Variants in USP50 observed in about 807,000 individuals in gnomAD.
USP50 encodes the protein ubiquitin carboxyl-terminal hydrolase 50.
Under a neutral mutation model 39.2 loss-of-function variants are expected in USP50, and 37 were observed. The ratio of observed to expected loss-of-function variants is 0.94; its 90% CI spans 0.73 to 1.24. The LOEUF is 1.24. Among genes scored for constraint, USP50 ranks in the 50% most tolerant of loss-of-function variants. The pLI is 0.00. For synonymous variants in USP50, 139 were observed against 144.5 expected (o/e 0.96, Z 0.27); for missense variants, 374 against 398.2 (o/e 0.94, Z 0.52).
chr15:50,494,153 A>AT, intron 1 of USP50: 1 of 1,613,174 alleles, frequency 6.2e-7, no homozygotes. Context: ...CAGTATAGAT[A>AT]TATCAGTCCA....
chr15:50,521,424 T>C (rs905330017), intron 6 of USP50, among the ~76,000 whole-genome samples: 49 of 152,218 alleles, frequency 3.2e-4, no homozygotes, highest in African/African-American at 1.2e-3. Context: ...TATTATGTAT[T>C]AATTTTAAAA....
At chr15:50,521,945 T>C (rs919276491) in intron 6 of USP50, among the ~76,000 whole-genome samples, 9 of 151,844 alleles carry the variant, frequency 5.9e-5, no homozygotes, top group East Asian at 1.9e-4. Context: ...GCCTGGGCAA[T>C]AGAACGAGAC....
intron 6 of USP50, chr15:50,511,741 A>T (rs775703158): frequency 6.6e-5 from 10 of 152,304 alleles, no homozygotes; most frequent in Non-Finnish European, 1.3e-4. Flanking sequence ...TCACGCCTGT[A>T]ATCCCAGCAC....
At chr15:50,543,195 A>G (rs940650690) in intron 3 of USP50, among the ~76,000 whole-genome samples, 1 of 152,218 alleles carries the variant, frequency 6.6e-6, no homozygotes, top group African/African-American at 2.4e-5. Flanking sequence ...TTTAAGCTAT[A>G]AAGTTCTATA....
chr15:50,508,834 TA>T (rs35117732), intron 6 of USP50: 44,221 of 144,056 alleles, frequency 0.31, 6,665 homozygotes, highest in East Asian at 0.5. Context: ...CCCGTCTCTA[TA>T]AAAAAAAAAA....
chr15:50,494,334 C>T (rs977608134), intron 1 of USP50: 4 of 1,468,090 alleles, frequency 2.7e-6, no homozygotes, highest in Non-Finnish European at 3.7e-6. Flanking sequence ...TGCTCAGTAG[C>T]ACTGTATTTT....
intron 5 of USP50, 86 bp downstream of exon 5, chr15:50,538,623 C>A: frequency 7.3e-7 from 1 of 1,364,084 alleles, no homozygotes; most frequent in Non-Finnish European, 9.8e-7. Context: ...ATTGTATACT[C>A]TAAATGGGTG....
rs769826253 is a variant in USP50, at chr15:50,500,794, C to G, written c.980G>C (p.Cys327Ser). The part of the protein sequence containing the change: ...DLDGGHYTAF[C>S]KNSVTQA ...TCAGGCCTGGGTGACTGAATTCTTG[C>G]AGAAAGCAGTGTAGTGGCCACCATC... Residue 327 changes from cysteine to serine, a missense_variant, in exon 7 of 7, where the codon TGC becomes TCC. Physicochemically the swap from Cys to Ser is moderately radical, Grantham distance 112. Coordinates refer to ENST00000532404, the MANE Select transcript of USP50 (RefSeq NM_203494.5). 2 of 1,590,620 alleles carry G rather than the reference C, an allele frequency of 1.3e-6. No individual in the cohort carries two copies. The highest frequency in any genetic ancestry group is 1.7e-6 in the Non-Finnish European group (2 of 1,168,140).
At chr15:50,511,691 C>A (rs1350414028) in intron 6 of USP50, 1 of 152,230 alleles carries the variant, frequency 6.6e-6, no homozygotes, top group African/African-American at 2.4e-5. Flanking sequence ...TTCTATGATT[C>A]TGTTTATTAA....
At chr15:50,525,608 A>ATATATGTATATATG (rs1566907625) in intron 6 of USP50, among the ~76,000 whole-genome samples, 4 of 129,578 alleles carry the variant, frequency 3.1e-5, no homozygotes, top group African/African-American at 6.3e-5. Context: ...ATGTATATGT[A>ATATATGTATATATG]TATATGTATA....
chr15:50,543,641 A>G lies in USP50; in HGVS notation c.401T>C (p.Phe134Ser), dbSNP rs1371052900. The change falls in exon 3 of 7, where the codon TTC (phenylalanine) becomes TCC (serine). Residue 134 changes from phenylalanine (F) to serine (S), a missense_variant. Phe to Ser is a radical substitution (Grantham distance 155). Transcript: ENST00000532404. ...AAGTTCATTTAGGACACAAATCAAG[A>G]ATTCCTGAGCATCTTGTTGCATCTT... The part of the protein sequence containing the change: ...TKKMQQDAQE[F>S]LICVLNELHE... The G allele has an allele frequency of 6.2e-7, 1 of 1,613,696 alleles. No homozygotes were observed. The highest frequency in any genetic ancestry group is 8.5e-7 in the Non-Finnish European group (1 of 1,179,818).
downstream of USP50, chr15:50,493,095 A>G (rs1595985846): frequency 1.4e-6 from 1 of 706,430 alleles, no homozygotes; most frequent in Non-Finnish European, 2.5e-6. Context: ...AGGTGCCGGC[A>G]TCTGGTGCGC....
intron 1 of USP50, 79 bp downstream of exon 1, chr15:50,546,392 AGT>A: frequency 4.8e-6 from 7 of 1,451,096 alleles, no homozygotes; most frequent in Non-Finnish European, 5.8e-6. Flanking sequence ...TCCTGAATGC[AGT>A]GTGTGTCCCC....
chr15:50,542,574 C>T (rs1409588269), intron 3 of USP50, among the ~76,000 whole-genome samples: 4 of 150,090 alleles, frequency 2.7e-5, no homozygotes, highest in African/African-American at 7.4e-5. Context: ...CTGCAACCTC[C>T]GCCTCCTGAG....
downstream of USP50, among the ~76,000 whole-genome samples, chr15:50,496,438 G>A (rs545307023): frequency 2.1e-5 from 3 of 142,088 alleles, no homozygotes; most frequent in East Asian, 2.1e-4. Flanking sequence ...CTGAGATCTC[G>A]CCACTGCACT....
Position 50,525,556 on chromosome 15 carries a change from GTA to G in USP50, c.936+4239_936+4240del, listed in dbSNP as rs1566907537. Among the ~76,000 whole-genome samples the G allele has an allele frequency of 4.1e-3, 368 of 89,264 alleles. 2 individuals carry two copies. Among genetic ancestry groups the G allele is most frequent in the African/African-American group, 0.016 (360 of 22,834 alleles). The allele number at this position is 89,264 out of a possible 152,430, so 58.6% of individuals were successfully genotyped here. ...TGTATATGTATATATGTATATATGTGTATATATGTATATATGTATATGTATAT... is the reference window on the plus strand; with the variant it reads ...TGTATATGTATATATGTATATATGTGTATATGTATATATGTATATGTATAT... On this transcript the variant is annotated intron_variant, in intron 6 of 6. Coordinates refer to ENST00000532404, the MANE Select transcript of USP50 (RefSeq NM_203494.5).
intron 5 of USP50, chr15:50,532,355 C>T (rs1313037487): frequency 2.7e-6 from 1 of 374,982 alleles, no homozygotes; most frequent in African/African-American, 2.1e-5. Flanking sequence ...CTTAACTAAC[C>T]TGGGAGAAGG....
At chr15:50,519,877 T>C (rs553686421) in intron 6 of USP50, among the ~76,000 whole-genome samples, 3 of 152,258 alleles carry the variant, frequency 2.0e-5, no homozygotes, top group African/African-American at 7.2e-5. Context: ...AGCATGCAGA[T>C]TCCTCAGAGA....
At chr15:50,498,365 C>T (rs889512312), downstream of USP50, 4 of 447,798 alleles carry the variant, frequency 8.9e-6, no homozygotes, top group East Asian at 1.5e-4. Context: ...CTCTACCATT[C>T]TGGCTGTTTG....
Sources: allele counts gnomAD v4.1 joint callset (sites outside exome capture counted in the v4.1 genomes callset), GRCh38; gene constraint gnomAD v4.1.1; transcripts MANE v1.5; gene names NCBI Gene and HGNC (gene_info 2026-07-23, HGNC 2026-07-21).